The following ACSS1 variants were observed in gnomAD, a reference collection of about 807,000 sequenced individuals.
ACSS1 encodes acyl-CoA synthetase short chain family member 1, also known as acetyl-coenzyme A synthetase 2-like, mitochondrial.
A neutral mutation model predicts 75.3 loss-of-function variants in ACSS1; 42 were observed. The observed-to-expected ratio is 0.56, with a 90% confidence interval of 0.44 to 0.72. The LOEUF (loss-of-function observed/expected upper bound fraction) is 0.72. Among genes scored for constraint, ACSS1 ranks in the 30% least tolerant of loss-of-function variants. The pLI is 0.00. For synonymous variants in ACSS1, 380 were observed against 376.8 expected (o/e 1.01, Z -0.10); for missense variants, 782 against 935.7 (o/e 0.84, Z 2.14).
intron 2 of ACSS1, among the ~76,000 whole-genome samples, chr20:25,047,753 A>G (rs187992692): frequency 4.3e-4 from 66 of 152,286 alleles, no homozygotes; most frequent in African/African-American, 1.3e-3. Flanking sequence ...CCCAAAGCAC[A>G]CAGCATCTGA....
chr20:25,024,714 T>C (rs1394863946), intron 3 of ACSS1, among the ~76,000 whole-genome samples: 1 of 152,178 alleles, frequency 6.6e-6, no homozygotes, highest in Admixed American at 6.5e-5. Context: ...GGCCTCAATG[T>C]CCCCTCTGGG....
At chr20:25,025,968 G>A (rs1300554044) in intron 3 of ACSS1, among the ~76,000 whole-genome samples, 2 of 152,114 alleles carry the variant, frequency 1.3e-5, no homozygotes, top group East Asian at 3.9e-4. Context: ...GCTTCTGGGG[G>A]ATTACAGTGT....
intron 3 of ACSS1, among the ~76,000 whole-genome samples, chr20:25,026,784 C>T (rs1304310707): frequency 1.3e-5 from 2 of 152,226 alleles, no homozygotes; most frequent in Admixed American, 1.3e-4. Flanking sequence ...GAACCTGGTA[C>T]CTGCAGAGCT....
chr20:25,023,435 G>T (rs4813543), intron 4 of ACSS1, 31 bp downstream of exon 4: 1,547,791 of 1,613,110 alleles, frequency 0.96, 742,745 homozygotes, highest in East Asian at 1. Flanking sequence ...ATATGACCTC[G>T]CCTCAAACTG....
At chr20:25,056,341 GT>G (rs1307194670) in intron 1 of ACSS1, among the ~76,000 whole-genome samples, 1 of 152,026 alleles carries the variant, frequency 6.6e-6, no homozygotes, top group Non-Finnish European at 1.5e-5. Context: ...AAAGGGTTTG[GT>G]TTTTTTCCCA....
At chr20:25,052,427 A>G (rs2089187832) in intron 1 of ACSS1, among the ~76,000 whole-genome samples, 1 of 152,116 alleles carries the variant, frequency 6.6e-6, no homozygotes, top group African/African-American at 2.4e-5. Context: ...AGAGGCCCAC[A>G]CCATTTCACA....
At chr20:25,043,043 C>T (rs1010972016) in intron 2 of ACSS1, among the ~76,000 whole-genome samples, 1 of 152,094 alleles carries the variant, frequency 6.6e-6, no homozygotes, top group Non-Finnish European at 1.5e-5. Flanking sequence ...CTCCTGCCTC[C>T]ACCAGGTCCT....
At chr20:25,019,952 T>C (rs1466193444) in intron 7 of ACSS1, 58 bp downstream of exon 7, 5 of 1,608,996 alleles carry the variant, frequency 3.1e-6, no homozygotes, top group Non-Finnish European at 4.2e-6. Context: ...GAAGCCCGTA[T>C]TGGCTCTGAG....
intron 2 of ACSS1, among the ~76,000 whole-genome samples, chr20:25,037,233 A>G (rs748882716): frequency 2.3e-4 from 35 of 152,110 alleles, no homozygotes; most frequent in Non-Finnish European, 4.4e-4. Flanking sequence ...TAAGGTACTC[A>G]ATAAATATTT....
intron 5 of ACSS1, among the ~76,000 whole-genome samples, chr20:25,022,361 AAAAC>A (rs2088637962): frequency 8.4e-6 from 1 of 118,834 alleles, no homozygotes; most frequent in African/African-American, 3.5e-5. Context: ...ACTCCATGAA[AAAAC>A]AAAACAAAAC....
chr20:25,030,922 C>G lies in ACSS1; in HGVS notation c.468G>C (p.Thr156=). ...CACGGTGGACTCCATGCCTCTTCAGCGTGTTGGCCAGGCGGCACGTGGTCT... is the reference window on the plus strand; with the variant it reads ...CACGGTGGACTCCATGCCTCTTCAGGGTGTTGGCCAGGCGGCACGTGGTCT... ...LLETTCRLAN[T]LKRHGVHRGD... Residue 156 remains threonine (T), a synonymous_variant, in exon 3 of 14, where the codon ACG becomes ACC. Coordinates refer to ENST00000323482, the MANE Select transcript of ACSS1 (RefSeq NM_032501.4). The G allele has an allele frequency of 6.2e-7, 1 of 1,614,160 alleles. No individual in the cohort carries two copies. The highest frequency in any genetic ancestry group is 8.5e-7 in the Non-Finnish European group (1 of 1,180,036).
At chr20:25,040,306 C>G (rs527888980) in intron 2 of ACSS1, among the ~76,000 whole-genome samples, 2 of 152,222 alleles carry the variant, frequency 1.3e-5, no homozygotes, top group East Asian at 3.8e-4. Flanking sequence ...CAGAACGCTC[C>G]AGAGCCTGGA....
chr20:25,010,643 C>G (rs2088390673), intron 12 of ACSS1: 1 of 152,438 alleles, frequency 6.6e-6, no homozygotes, highest in Non-Finnish European at 1.5e-5. Flanking sequence ...TGCTGCCACC[C>G]CACTAGGCTG....
intron 9 of ACSS1, 58 bp downstream of exon 9, chr20:25,013,903 A>G (rs1248290458): frequency 1.3e-6 from 2 of 1,536,158 alleles, no homozygotes; most frequent in African/African-American, 2.7e-5. Flanking sequence ...TGGGCTGGGC[A>G]GGCAGGGACA....
intron 2 of ACSS1, among the ~76,000 whole-genome samples, chr20:25,034,875 A>G (rs2088883831): frequency 6.6e-6 from 1 of 150,638 alleles, no homozygotes; most frequent in African/African-American, 2.5e-5. Flanking sequence ...CAGGCCGACC[A>G]TATGGATTTT....
intron 8 of ACSS1, among the ~76,000 whole-genome samples, chr20:25,014,747 G>A (rs931944231): frequency 6.6e-6 from 1 of 152,164 alleles, no homozygotes; most frequent in Non-Finnish European, 1.5e-5. Context: ...CTTAGAAGAT[G>A]GGGCCTGTCT....
At chr20:25,008,585 C>T (rs984906484) in intron 13 of ACSS1, among the ~76,000 whole-genome samples, 1 of 152,212 alleles carries the variant, frequency 6.6e-6, no homozygotes, top group African/African-American at 2.4e-5. Flanking sequence ...CTCTGAGGGC[C>T]GCCAAACCCA....
intron 2 of ACSS1, among the ~76,000 whole-genome samples, chr20:25,039,452 G>T (rs1329813949): frequency 6.6e-6 from 1 of 152,226 alleles, no homozygotes; most frequent in Non-Finnish European, 1.5e-5. Context: ...ACCTGAGGCT[G>T]ATTCTCATTC....
Position 25,007,804 on chromosome 20 carries a change from ACTCAGGAT to A in ACSS1, c.2020_2027del (p.Ile674CysfsTer13). ...GCTTGTCCTTGCACTTCTGGTAGACACTCAGGATCTCTGCGATGATGCTGGGGTCCTCC... is the reference window on the plus strand; with the variant it reads ...GCTTGTCCTTGCACTTCTGGTAGACACTCTGCGATGATGCTGGGGTCCTCC... On this transcript the variant is annotated frameshift_variant, in exon 14 of 14. Coordinates refer to ENST00000323482, the MANE Select transcript of ACSS1 (RefSeq NM_032501.4). LOFTEE classifies it high-confidence loss of function. The A allele has an allele frequency of 1.2e-6, 2 of 1,614,120 alleles. No individual in the cohort carries two copies. Among genetic ancestry groups the A allele is most frequent in the Non-Finnish European group, 1.7e-6 (2 of 1,180,004 alleles).
Sources: allele counts gnomAD v4.1 joint callset (sites outside exome capture counted in the v4.1 genomes callset), GRCh38; gene constraint gnomAD v4.1.1; transcripts MANE v1.5; gene names NCBI Gene and HGNC (gene_info 2026-07-23, HGNC 2026-07-21).